The following ZSCAN5B variants were observed in gnomAD, a reference collection of about 807,000 sequenced individuals.
The protein encoded by ZSCAN5B is zinc finger and SCAN domain containing 5B.
Under a neutral mutation model 25.2 loss-of-function variants are expected in ZSCAN5B, and 26 were observed. The ratio of observed to expected loss-of-function variants is 1.03; its 90% CI spans 0.76 to 1.43. ZSCAN5B has a LOEUF of 1.43. ZSCAN5B is among the 40% of genes most tolerant of loss of function. ZSCAN5B has a pLI of 0.00. For missense variants in ZSCAN5B, 745 were observed against 622.1 expected (o/e 1.20, Z -2.10); for synonymous variants, 244 against 240.9 (o/e 1.01, Z -0.12).
chr19:56,193,058 C>G (rs555514356), exon 2 of ZSCAN5B: 425 of 1,540,456 alleles, frequency 2.8e-4, no homozygotes, highest in South Asian at 1.1e-3. Context: ...GCCATATCTA[C>G]TGGAGAATAT....
chr19:56,190,501 A>G lies in ZSCAN5B; in HGVS notation c.814T>C (p.Ser272Pro), dbSNP rs1228590732. The change falls in exon 5 of 5, where the codon TCT (serine) becomes CCT (proline). Residue 272 changes from serine (S) to proline (P), a missense_variant. By Grantham distance (74) the Ser-to-Pro change is moderately conservative. Transcript: ENST00000586855. ...GCTTCTCTCTCCACAACGCAGGCAGAAGGTGTGTCAGCATCCACATTTTCC... is the reference window on the plus strand; with the variant it reads ...GCTTCTCTCTCCACAACGCAGGCAGGAGGTGTGTCAGCATCCACATTTTCC... 3.1e-6 allele frequency: 5 copies of G among 1,613,958 alleles called. No individual in the cohort carries two copies. The South Asian group carries it at 5.5e-5, about 18-fold the overall frequency.
intron 4 of ZSCAN5B, 84 bp from the exon 5 acceptor site, chr19:56,190,659 T>A: frequency 1.9e-6 from 3 of 1,561,054 alleles, no homozygotes; most frequent in Non-Finnish European, 2.6e-6. Flanking sequence ...AACACTGACC[T>A]TGGCTGAGAA....
At position 56,192,045 on chromosome 19, in the gene ZSCAN5B, G is replaced by A. The variant is rs1347699678; in HGVS notation, c.393C>T (p.Val131=). 5.0e-6 allele frequency: 8 copies of A among 1,611,416 alleles called. No homozygotes were observed. In the Admixed American group the frequency reaches 1.2e-4, roughly 24 times the overall value. ...TAAGATATTCTTTGCCGAGCAAGTT[G>A]ACTATAGACTGTAGAGAGAAAAAAG... is the stretch of plus-strand genomic sequence containing the variant. The change falls in exon 3 of 5, where the codon GTC becomes GTT. Residue 131 remains valine (V), a synonymous_variant. Coordinates refer to ENST00000586855, the Ensembl canonical transcript of ZSCAN5B.
At chr19:56,190,216 A>G in exon 5 of ZSCAN5B, 1 of 1,614,046 alleles carries the variant, frequency 6.2e-7, no homozygotes, top group Non-Finnish European at 8.5e-7. Context: ...AGCTGGGAAA[A>G]ATACTTAAAT....
At chr19:56,190,218 T>C (rs2032708796) in exon 5 of ZSCAN5B, 2 of 1,613,894 alleles carry the variant, frequency 1.2e-6, no homozygotes, top group East Asian at 2.2e-5. Flanking sequence ...CTGGGAAAAA[T>C]ACTTAAATGA....
chr19:56,197,836 C>T, exon 1 of ZSCAN5B: 2 of 985,340 alleles, frequency 2.0e-6, no homozygotes, highest in Non-Finnish European at 2.4e-6. Context: ...GACTCCAGGC[C>T]GCGTTTCCGG....
chr19:56,193,029 T>C (rs770091536), exon 2 of ZSCAN5B: 2 of 1,576,764 alleles, frequency 1.3e-6, no homozygotes, highest in South Asian at 2.3e-5. Context: ...CCTGACCCCA[T>C]GAGAGTGTCC....
At position 56,189,744 on chromosome 19, in the gene ZSCAN5B, T is replaced by C. The variant is rs2032696385; in HGVS notation, c.*83A>G. 2.0e-6 allele frequency: 3 copies of C among 1,474,630 alleles called. No individual in the cohort carries two copies. The South Asian group carries it at 4.2e-5, about 21-fold the overall frequency. 91.3% of individuals were successfully genotyped at this position (1,474,630 alleles called of 1,614,324 possible). On this transcript the variant is annotated 3_prime_UTR_variant, in exon 5 of 5. Transcript: ENST00000586855. ...CGGGCAATTCCTACCAAGTGCTTTA[T>C]GTGTATATGTCATCTGGTAACATTG... is the stretch of plus-strand genomic sequence containing the variant.
In ZSCAN5B at chr19:56,196,212, C is replaced by T. The variant is rs111670688; in HGVS notation, c.-128+1522G>A. 1.4e-3 allele frequency among the ~76,000 whole-genome samples: 208 copies of T among 152,104 alleles called. 3 individuals carry two copies. Among genetic ancestry groups the T allele is most frequent in the African/African-American group, 4.5e-3 (187 of 41,494 alleles). ...GATTATAGGCGTGAGCCACCCCTCT[C>T]GGCTAAATTTTGTATTTTTAGTAGA... On this transcript the variant is annotated intron_variant, in intron 1 of 4. Coordinates refer to ENST00000586855, the Ensembl canonical transcript of ZSCAN5B.
intron 1 of ZSCAN5B, among the ~76,000 whole-genome samples, chr19:56,193,902 C>T (rs2032773660): frequency 6.8e-6 from 1 of 147,076 alleles, no homozygotes; most frequent in African/African-American, 2.5e-5. Flanking sequence ...GCAGAGCTTG[C>T]AGTGAGATCA....
At position 56,192,044 on chromosome 19, in the gene ZSCAN5B, T is replaced by C; in HGVS notation, c.394A>G (p.Asn132Asp). Reference sequence around the variant, plus strand: ...ATAAGATATTCTTTGCCGAGCAAGTTGACTATAGACTGTAGAGAGAAAAAA... The same window carrying C: ...ATAAGATATTCTTTGCCGAGCAAGTCGACTATAGACTGTAGAGAGAAAAAA... The change falls in exon 3 of 5, where the codon AAC (asparagine) becomes GAC (aspartate). Residue 132 changes from asparagine (N) to aspartate (D), a missense_variant. By Grantham distance (23) the Asn-to-Asp change is conservative (BLOSUM62 1). Transcript: ENST00000586855. 2 of 1,612,016 alleles carry C rather than the reference T, an allele frequency of 1.2e-6. No homozygotes were observed. Among genetic ancestry groups the C allele is most frequent in the Non-Finnish European group, 1.7e-6 (2 of 1,179,186 alleles).
exon 5 of ZSCAN5B, chr19:56,189,763 A>G (rs1419344642): frequency 1.3e-6 from 2 of 1,530,928 alleles, no homozygotes; most frequent in Admixed American, 4.1e-5. Flanking sequence ...GTCATCTGGT[A>G]ACATTGGAGA....
At chr19:56,191,098 C>T in intron 3 of ZSCAN5B, 111 bp from the exon 4 acceptor site, 2 of 1,451,346 alleles carry the variant, frequency 1.4e-6, no homozygotes, top group Non-Finnish European at 1.9e-6. Flanking sequence ...ACCACCCCAT[C>T]ACCCCAAGTA....
intron 1 of ZSCAN5B, among the ~76,000 whole-genome samples, chr19:56,194,291 G>T (rs2032779203): frequency 6.6e-6 from 1 of 151,992 alleles, no homozygotes; most frequent in South Asian, 2.1e-4. Flanking sequence ...ATACCATAGA[G>T]CGGTTTTTTC....
Position 56,197,546 on chromosome 19 carries a change from A to G in ZSCAN5B, c.-128+188T>C, listed in dbSNP as rs183343113. Among the ~76,000 whole-genome samples the G allele has an allele frequency of 1.6e-4, 25 of 152,298 alleles. No homozygotes were observed. In the East Asian group the frequency reaches 4.6e-3, roughly 28 times the overall value. On this transcript the variant is annotated intron_variant, in intron 1 of 4. Coordinates refer to ENST00000586855, the Ensembl canonical transcript of ZSCAN5B. ...CCACTGGGCCCGACCGAGAAAGTTA[A>G]TATTATTCCTAGTTTACAGAAGCAC...
chr19:56,193,822 C>A (rs1162329074), intron 1 of ZSCAN5B, among the ~76,000 whole-genome samples: 1 of 152,066 alleles, frequency 6.6e-6, no homozygotes. Context: ...ATTAGCTGGG[C>A]ATGGTGGCGG....
intron 2 of ZSCAN5B, among the ~76,000 whole-genome samples, chr19:56,192,467 G>A (rs553611): frequency 2.0e-5 from 3 of 151,940 alleles, no homozygotes; most frequent in South Asian, 2.1e-4. Flanking sequence ...CCTTCCCTAC[G>A]TTCCATCAGG....
Position 56,197,298 on chromosome 19 carries a change from G to T in ZSCAN5B, c.-128+436C>A, listed in dbSNP as rs11084431. Among the ~76,000 whole-genome samples, 284 of 151,298 alleles carry T rather than the reference G, an allele frequency of 1.9e-3. 1 individual carries two copies. The highest frequency in any genetic ancestry group is 6.6e-3 in the African/African-American group (270 of 41,066). On this transcript the variant is annotated intron_variant, in intron 1 of 4. Coordinates refer to ENST00000586855, the Ensembl canonical transcript of ZSCAN5B. The stretch of plus-strand genomic sequence containing the variant: ...AATGACTCTCCTGACTCAGTCTCCC[G>T]AATAGCGGGTATTACCCTAACCTCT...
intron 1 of ZSCAN5B, 24 bp from the exon 2 acceptor site, chr19:56,193,203 G>A (rs575965155): frequency 4.4e-5 from 42 of 954,108 alleles, no homozygotes; most frequent in Non-Finnish European, 5.5e-5. Flanking sequence ...GCATGAGCCC[G>A]ATTATTTTAA....
Sources: allele counts gnomAD v4.1 joint callset (sites outside exome capture counted in the v4.1 genomes callset), GRCh38; gene constraint gnomAD v4.1.1; transcripts MANE v1.5; gene names NCBI Gene and HGNC (gene_info 2026-07-23, HGNC 2026-07-21).